Variants in MINDY4B observed in about 807,000 individuals in gnomAD.
MINDY4B encodes the protein MINDY family member 4B.
In MINDY4B, 25 loss-of-function variants were observed where a neutral mutation model predicts 16.7. The ratio of observed to expected loss-of-function variants is 1.49; its 90% confidence interval spans 1.09 to 2.09. The LOEUF is 2.09. Among genes scored for constraint, MINDY4B ranks in the 30% most tolerant of loss-of-function variants. The pLI, the probability that MINDY4B is intolerant of heterozygous loss-of-function variation, is 0.00. For synonymous variants in MINDY4B, 132 were observed against 61.9 expected, an observed-to-expected ratio of 2.13 and a Z score of -5.32; for missense variants, 327 against 168.4, an observed-to-expected ratio of 1.94 and a Z score of -5.21.
chr3:150,890,140 T>C (rs1711760146), intron 7 of MINDY4B, among the ~76,000 whole-genome samples, 180 bp downstream of exon 7: 1 of 152,218 alleles, frequency 6.6e-6, no homozygotes. Flanking sequence ...ATCTGGCCTC[T>C]TTCTAGGTTG....
chr3:150,905,250 G>A (rs1712212322), intron 1 of MINDY4B, 77 bp downstream of exon 1: 3 of 398,218 alleles, frequency 7.5e-6, no homozygotes, highest in Non-Finnish European at 1.3e-5. Flanking sequence ...TTCTCATGTT[G>A]CAAGCTTATA....
intron 4 of MINDY4B, among the ~76,000 whole-genome samples, chr3:150,893,697 G>C (rs9681172): frequency 2.1e-5 from 1 of 47,098 alleles, no homozygotes; most frequent in Non-Finnish European, 5.8e-5. Flanking sequence ...GTTTTTTTTT[G>C]GGGGGGGGGG....
chr3:150,889,133 A>C (rs1711702903), intron 7 of MINDY4B, among the ~76,000 whole-genome samples: 1 of 152,240 alleles, frequency 6.6e-6, no homozygotes, highest in Non-Finnish European at 1.5e-5. Context: ...AATTACCATA[A>C]ATTTAATAGC....
intron 10 of MINDY4B, among the ~76,000 whole-genome samples, chr3:150,881,614 T>TAA (rs34567737): frequency 0.046 from 5,585 of 121,374 alleles, 380 homozygotes; most frequent in African/African-American, 0.14. Flanking sequence ...TGTCTCTGTT[T>TAA]AAAAAAAAAA....
chr3:150,876,399 G>A (rs764790712), intron 10 of MINDY4B, among the ~76,000 whole-genome samples: 5 of 152,172 alleles, frequency 3.3e-5, no homozygotes, highest in Non-Finnish European at 4.4e-5. Flanking sequence ...CCCCAGGCTG[G>A]TAATCTGAAC....
chr3:150,897,809 C>T (rs115517180), intron 3 of MINDY4B, among the ~76,000 whole-genome samples: 3,421 of 152,256 alleles, frequency 0.022, 129 homozygotes, highest in African/African-American at 0.078. Context: ...GGAGAGGCAG[C>T]GAACAGGCAC....
chr3:150,891,221 C>A lies in MINDY4B; in HGVS notation c.522-118G>T, dbSNP rs527489047. ...CAAAGTCAGAGAGCAGCGATTTACA[C>A]CCAGCTCACCTGGCTCCAAAGTTCC... On this transcript the variant is annotated intron_variant, in intron 5 of 11. Transcript: ENST00000465419. 2.2e-4 allele frequency: 135 copies of A among 616,976 alleles called. 2 individuals are homozygous for A. The South Asian group carries it at 2.4e-3, about 11-fold the overall frequency. The allele number at this position is 616,976 out of a possible 1,614,324, so 38.2% of individuals were successfully genotyped here. A position where few individuals can be genotyped will look rare whatever the true frequency, so the allele number is the denominator to read the frequency against.
At chr3:150,896,714 A>G (rs1711978954) in intron 3 of MINDY4B, among the ~76,000 whole-genome samples, 1 of 152,168 alleles carries the variant, frequency 6.6e-6, no homozygotes, top group South Asian at 2.1e-4. Flanking sequence ...CCTGCACAAA[A>G]GTCCTGTGAT....
chr3:150,903,404 T>G lies in MINDY4B; in HGVS notation c.154A>C (p.Asn52His), dbSNP rs369449551. 17 of 398,438 alleles carry G rather than the reference T, an allele frequency of 4.3e-5. 1 individual carries two copies. The highest frequency in any genetic ancestry group is 1.4e-4 in the East Asian group (4 of 28,072). The allele number at this position is 398,438 out of a possible 1,614,324, so 24.7% of individuals were successfully genotyped here. A position where few individuals can be genotyped will look rare whatever the true frequency, so the allele number is the denominator to read the frequency against. The change falls in exon 3 of 12, where the codon AAC becomes CAC. Residue 52 changes from asparagine (N) to histidine (H), a missense_variant. Asn to His is a moderately conservative substitution (Grantham distance 68). Coordinates refer to ENST00000465419, the MANE Select transcript of MINDY4B (RefSeq NM_001351281.2). ...TCATTTTCATCAGCAGATGTATGGTTGCCTTCATGATTCTGTGCAAATATC... is the reference window on the plus strand; with the variant it reads ...TCATTTTCATCAGCAGATGTATGGTGGCCTTCATGATTCTGTGCAAATATC... ...NNSTPQNHEG[N>H]HTSADENEDG...
intron 3 of MINDY4B, among the ~76,000 whole-genome samples, chr3:150,901,916 G>A (rs994170773): frequency 2.0e-5 from 3 of 152,080 alleles, no homozygotes; most frequent in Non-Finnish European, 4.4e-5. Context: ...ATTTGGTGAA[G>A]CCTGGGAGGT....
In MINDY4B at chr3:150,893,201, C is replaced by T. The variant is rs919992371; in HGVS notation, c.521+123G>A. On this transcript the variant is annotated intron_variant, in intron 5 of 11. Transcript: ENST00000465419. Reference sequence around the variant, plus strand: ...TCCAGCCTCTCTGGGACAGACAGGGCCATTTCTGTCTTAGGAGGTAGATTT... The same window carrying T: ...TCCAGCCTCTCTGGGACAGACAGGGTCATTTCTGTCTTAGGAGGTAGATTT... The T allele has an allele frequency of 6.1e-6, 4 of 653,262 alleles. 1 individual carries two copies. Among genetic ancestry groups the T allele is most frequent in the Non-Finnish European group, 1.1e-5 (4 of 359,988 alleles). The allele number at this position is 653,262 out of a possible 1,614,324, so 40.5% of individuals were successfully genotyped here. A position where few individuals can be genotyped will look rare whatever the true frequency, so the allele number is the denominator to read the frequency against.
At chr3:150,877,071 C>T (rs1198901441) in intron 10 of MINDY4B, among the ~76,000 whole-genome samples, 2 of 151,832 alleles carry the variant, frequency 1.3e-5, no homozygotes, top group Admixed American at 1.3e-4. Flanking sequence ...AAGTCTCACC[C>T]ACTGGGCTGT....
intron 6 of MINDY4B, 151 bp from the exon 7 acceptor site, chr3:150,890,536 T>G (rs1711771088): frequency 2.0e-6 from 1 of 490,822 alleles, no homozygotes; most frequent in Admixed American, 3.7e-5. Flanking sequence ...TGCAAGGCCA[T>G]GCAAAACATA....
chr3:150,889,842 T>C (rs1458335147), intron 7 of MINDY4B, among the ~76,000 whole-genome samples: 1 of 152,048 alleles, frequency 6.6e-6, no homozygotes. Flanking sequence ...ACCCTGGGGG[T>C]AGGGAAGAAT....
At chr3:150,889,672 A>T (rs1194925604) in intron 7 of MINDY4B, among the ~76,000 whole-genome samples, 2 of 152,202 alleles carry the variant, frequency 1.3e-5, no homozygotes, top group African/African-American at 4.8e-5. Context: ...TGCAATGAAC[A>T]GTTGTATCAC....
At position 150,894,178 on chromosome 3, in the gene MINDY4B, G is replaced by A; in HGVS notation, c.429+8C>T. ...AAGGTTTTTTAAAAATTATAAACTG[G>A]CTATTACCTTTCCCACTTCCAGAGT... On this transcript the variant is annotated splice_region_variant and intron_variant, in intron 4 of 11. Transcript: ENST00000465419. 1.5e-6 allele frequency: 1 copy of A among 688,548 alleles called. No individual in the cohort carries two copies. The highest frequency in any genetic ancestry group is 1.5e-5 in the South Asian group (1 of 64,582). 42.7% of individuals were successfully genotyped at this position (688,548 alleles called of 1,614,324 possible).
chr3:150,900,237 G>A (rs1200272685), intron 3 of MINDY4B, among the ~76,000 whole-genome samples: 1 of 152,236 alleles, frequency 6.6e-6, no homozygotes, highest in Admixed American at 6.5e-5. Context: ...ACAGCAAAAG[G>A]TGAGAAACAG....
At chr3:150,873,852 A>G (rs1717026029) in intron 10 of MINDY4B, among the ~76,000 whole-genome samples, 1 of 152,154 alleles carries the variant, frequency 6.6e-6, no homozygotes, top group Non-Finnish European at 1.5e-5. Flanking sequence ...TTTAAGATAT[A>G]TAAAATAGCT....
chr3:150,901,216 A>G (rs1712106501), intron 3 of MINDY4B: 1 of 152,262 alleles, frequency 6.6e-6, no homozygotes, highest in African/African-American at 2.4e-5. Flanking sequence ...CTTGTCAAGT[A>G]AAATGCAGAT....
Sources: allele counts gnomAD v4.1 joint callset (sites outside exome capture counted in the v4.1 genomes callset), GRCh38; gene constraint gnomAD v4.1.1; transcripts MANE v1.5; gene names NCBI Gene and HGNC (gene_info 2026-07-23, HGNC 2026-07-21).